Variants in OASL observed in about 807,000 individuals in gnomAD.
OASL encodes the protein 2'-5'-oligoadenylate synthetase like, also known as 2'-5'-oligoadenylate synthase-like protein.
OASL carries 28 observed loss-of-function variants against 35.3 expected under a neutral mutation model. The observed-to-expected ratio is 0.79, with a 90% CI of 0.59 to 1.09. OASL has a LOEUF of 1.09. Ranked by LOEUF, OASL falls within the 50% of genes least tolerant of loss-of-function variation. The pLI is 0.00. For synonymous variants in OASL, 252 were observed against 254.6 expected (o/e 0.99, Z 0.10); for missense variants, 620 against 635.2 (o/e 0.98, Z 0.26).
chr12:121,039,127 G>A (rs565000300), exon 1 of OASL: 251 of 636,770 alleles, frequency 3.9e-4, no homozygotes, highest in Middle Eastern at 1.3e-3. Context: ...CAGGTGTGAC[G>A]GGCTGACTCC....
At chr12:121,033,796 AC>A in intron 1 of OASL, 53 bp from the exon 2 acceptor site, 1 of 1,578,442 alleles carries the variant, frequency 6.3e-7, no homozygotes, top group East Asian at 2.2e-5. Flanking sequence ...GAGCCAGGCA[AC>A]CCCTGCGGCA....
At chr12:121,029,064 GAAAAAAAAA>G (rs10577200) in intron 3 of OASL, among the ~76,000 whole-genome samples, 1,227 of 105,124 alleles carry the variant, frequency 0.012, 18 homozygotes, top group African/African-American at 0.041. Context: ...ACTTGTCTCA[GAAAAAAAAA>G]AAAAAAAAAA....
intron 2 of OASL, among the ~76,000 whole-genome samples, chr12:121,033,256 G>A (rs1869813602): frequency 6.6e-6 from 1 of 152,086 alleles, no homozygotes; most frequent in Admixed American, 6.6e-5. Flanking sequence ...CAATTCTTTG[G>A]TCAATTTCTG....
intron 2 of OASL, 30 bp from the exon 3 acceptor site, chr12:121,031,647 T>C: frequency 6.3e-7 from 1 of 1,598,894 alleles, no homozygotes; most frequent in Non-Finnish European, 8.6e-7. Context: ...AGGAAGAGAT[T>C]GGGGATTGAG....
Position 121,021,060 on chromosome 12 carries a change from TGGAA to T in OASL, c.1048-6_1048-3del. 6.4e-7 allele frequency: 1 copy of T among 1,564,066 alleles called. No individual in the cohort carries two copies. The highest frequency in any genetic ancestry group is 8.6e-7 in the Non-Finnish European group (1 of 1,160,572). On this transcript the variant is annotated splice_polypyrimidine_tract_variant and splice_region_variant and intron_variant, in intron 5 of 5. Coordinates refer to ENST00000257570, the Ensembl canonical transcript of OASL. ...TGTCAAGTGGATGTCTCGTGCCCTC[TGGAA>T]GGGAGAGGGAGAAGGAGAGGTGTTA...
chr12:121,035,638 G>T (rs907337202), intron 1 of OASL, among the ~76,000 whole-genome samples: 19 of 152,092 alleles, frequency 1.2e-4, no homozygotes, highest in African/African-American at 4.6e-4. Flanking sequence ...AGCTTGCCAT[G>T]GTCTCCCAGC....
chr12:121,018,684 T>C (rs1423066403), downstream of OASL, among the ~76,000 whole-genome samples: 1 of 151,328 alleles, frequency 6.6e-6, no homozygotes. Context: ...CTGGCCAAGA[T>C]GGTGAAACCC....
intron 4 of OASL, among the ~76,000 whole-genome samples, chr12:121,024,754 G>A (rs1869411487): frequency 6.6e-6 from 1 of 152,140 alleles, no homozygotes; most frequent in South Asian, 2.1e-4. Flanking sequence ...TACCTTCGGA[G>A]CAGGTTTTGC....
intron 3 of OASL, among the ~76,000 whole-genome samples, chr12:121,030,174 C>T (rs551456809): frequency 2.4e-4 from 37 of 152,162 alleles, no homozygotes; most frequent in African/African-American, 8.7e-4. Context: ...CACATTTGGC[C>T]GGTAATTGTT....
rs751576824 is a variant in OASL, at chr12:121,024,971, C to CTTTT, written c.900-838_900-835dup. Among the ~76,000 whole-genome samples, 205 of 63,612 alleles carry CTTTT rather than the reference C, an allele frequency of 3.2e-3. 4 individuals are homozygous for CTTTT. The highest frequency in any genetic ancestry group is 6.3e-3 in the East Asian group (12 of 1,900). The allele number at this position is 63,612 out of a possible 152,430, so 41.7% of individuals were successfully genotyped here. On this transcript the variant is annotated intron_variant, in intron 4 of 5. Coordinates refer to ENST00000257570, the Ensembl canonical transcript of OASL. ...CCTTTTTACAGACCTCCCTAAGTTC[C>CTTTT]TTTTTTTTTTTTTTTTTTTTTTTTT...
At chr12:121,018,351 T>C (rs1592929253), downstream of OASL, among the ~76,000 whole-genome samples, 3 of 152,184 alleles carry the variant, frequency 2.0e-5, no homozygotes, top group South Asian at 6.2e-4. Context: ...GACGTCTCTC[T>C]CGGTCTTCAG....
chr12:121,034,949 A>C (rs1261713818), intron 1 of OASL, among the ~76,000 whole-genome samples: 1 of 152,110 alleles, frequency 6.6e-6, no homozygotes, highest in African/African-American at 2.4e-5. Context: ...TTGAGATTCT[A>C]GATGAGCTCT....
chr12:121,018,352 C>T (rs190574602), downstream of OASL, among the ~76,000 whole-genome samples: 48 of 152,036 alleles, frequency 3.2e-4, no homozygotes, highest in Non-Finnish European at 5.9e-4. Context: ...ACGTCTCTCT[C>T]GGTCTTCAGG....
intron 4 of OASL, among the ~76,000 whole-genome samples, chr12:121,024,631 C>A (rs1001486261): frequency 1.1e-4 from 16 of 151,850 alleles, no homozygotes; most frequent in East Asian, 1.9e-4. Flanking sequence ...AAAAAAAATT[C>A]TTCTTCTTTG....
intron 5 of OASL, among the ~76,000 whole-genome samples, chr12:121,021,520 A>G (rs1325776331): frequency 6.6e-6 from 1 of 152,240 alleles, no homozygotes; most frequent in African/African-American, 2.4e-5. Flanking sequence ...CAGAAGAAAT[A>G]TAAGCCTTGG....
intron 4 of OASL, among the ~76,000 whole-genome samples, chr12:121,025,780 CA>C (rs1341383864): frequency 6.6e-6 from 1 of 151,384 alleles, no homozygotes; most frequent in Non-Finnish European, 1.5e-5. Context: ...AAACAAAACC[CA>C]AAAACAAACA....
chr12:121,032,197 A>AATATAT (rs55816712), intron 2 of OASL, among the ~76,000 whole-genome samples: 1 of 151,128 alleles, frequency 6.6e-6, no homozygotes, highest in African/African-American at 2.4e-5. Flanking sequence ...CGTCTCAAAA[A>AATATAT]ATATATATAT....
At chr12:121,033,277 T>G (rs1869814572) in intron 2 of OASL, among the ~76,000 whole-genome samples, 184 bp downstream of exon 2, 1 of 152,114 alleles carries the variant, frequency 6.6e-6, no homozygotes, top group African/African-American at 2.4e-5. Context: ...TATTCCAAGT[T>G]GAGCAATATG....
intron 5 of OASL, among the ~76,000 whole-genome samples, chr12:121,023,287 CTT>C (rs768266698): frequency 8.1e-6 from 1 of 123,264 alleles, no homozygotes; most frequent in Non-Finnish European, 1.7e-5. Flanking sequence ...TTTTTTTTTT[CTT>C]TTTTTCTTTT....
Sources: allele counts gnomAD v4.1 joint callset (sites outside exome capture counted in the v4.1 genomes callset), GRCh38; gene constraint gnomAD v4.1.1; transcripts MANE v1.5; gene names NCBI Gene and HGNC (gene_info 2026-07-23, HGNC 2026-07-21).